KCNQ3: variants seen among roughly 807,000 people sequenced by gnomAD.
KCNQ3 encodes potassium voltage-gated channel subfamily KQT member 3.
KCNQ3 carries 30 observed loss-of-function variants against 92.5 expected under a neutral mutation model. The observed-to-expected ratio is 0.32, with a 90% CI of 0.24 to 0.44. The LOEUF (loss-of-function observed/expected upper bound fraction) is 0.44, where lower values mean the gene tolerates loss of function less well. Among genes scored for constraint, KCNQ3 ranks in the 20% least tolerant of loss-of-function variants. The pLI, the probability that KCNQ3 is intolerant of heterozygous loss-of-function variation, is 1.00. For missense variants in KCNQ3, 913 were observed against 1,140.3 expected, an observed-to-expected ratio of 0.80 and a Z score of 2.87; for synonymous variants, 450 against 468.8, an observed-to-expected ratio of 0.96 and a Z score of 0.52.
intron 1 of KCNQ3, among the ~76,000 whole-genome samples, chr8:132,343,262 A>T (rs962666197): frequency 6.6e-6 from 1 of 152,238 alleles, no homozygotes; most frequent in African/African-American, 2.4e-5. Flanking sequence ...TTGAGAGTAC[A>T]CTGTGTTCCA....
chr8:132,140,051 A>C, intron 11 of KCNQ3, 25 bp downstream of exon 11: 1 of 1,514,364 alleles, frequency 6.6e-7, no homozygotes. Flanking sequence ...GCACACAGGC[A>C]CAGGTGGGAC....
chr8:132,143,426 C>T (rs554505586), intron 9 of KCNQ3, among the ~76,000 whole-genome samples: 40 of 152,278 alleles, frequency 2.6e-4, no homozygotes, highest in Middle Eastern at 3.4e-3. Flanking sequence ...GCTAGCAAGG[C>T]AAAGACTCTG....
At chr8:132,438,170 T>A (rs1407677305) in intron 1 of KCNQ3, among the ~76,000 whole-genome samples, 1 of 152,232 alleles carries the variant, frequency 6.6e-6, no homozygotes, top group East Asian at 1.9e-4. Context: ...CTTTCTATTA[T>A]AAGGTGATTC....
intron 1 of KCNQ3, among the ~76,000 whole-genome samples, chr8:132,215,802 G>A (rs996564046): frequency 1.3e-5 from 2 of 152,210 alleles, no homozygotes; most frequent in Admixed American, 1.3e-4. Flanking sequence ...GGTAATTCAT[G>A]TTCCAGAGTT....
Position 132,235,596 on chromosome 8 carries a change from C to T in KCNQ3, c.387-49415G>A, listed in dbSNP as rs1814788920. On this transcript the variant is annotated intron_variant, in intron 1 of 14. Coordinates refer to ENST00000388996, the MANE Select transcript of KCNQ3 (RefSeq NM_004519.4). Reference sequence around the variant, plus strand: ...CACATGAAAAACAATACAGACATTACAGAATTAATCCAGGAAATTCACTAA... The same window carrying T: ...CACATGAAAAACAATACAGACATTATAGAATTAATCCAGGAAATTCACTAA... Among the ~76,000 whole-genome samples, 2 of 152,180 alleles carry T rather than the reference C, an allele frequency of 1.3e-5. 1 individual carries two copies. Among genetic ancestry groups the T allele is most frequent in the South Asian group, 4.1e-4 (2 of 4,828 alleles).
chr8:132,415,943 C>T (rs1182054500), intron 1 of KCNQ3, among the ~76,000 whole-genome samples: 1 of 152,126 alleles, frequency 6.6e-6, no homozygotes, highest in Non-Finnish European at 1.5e-5. Flanking sequence ...GCATGAGAGC[C>T]CATCTGGTAG....
chr8:132,295,875 G>T (rs1251467764), intron 1 of KCNQ3, among the ~76,000 whole-genome samples: 2 of 152,124 alleles, frequency 1.3e-5, no homozygotes, highest in Non-Finnish European at 2.9e-5. Context: ...ATGCATCGGG[G>T]CCTGTTGTGG....
At chr8:132,407,294 G>T (rs78206643) in intron 1 of KCNQ3, among the ~76,000 whole-genome samples, 2,112 of 152,194 alleles carry the variant, frequency 0.014, 124 homozygotes, top group Admixed American at 0.091. Flanking sequence ...CAGTGGCAGC[G>T]GACACCCTTT....
chr8:132,360,457 G>C (rs558211822), intron 1 of KCNQ3, among the ~76,000 whole-genome samples: 1 of 152,292 alleles, frequency 6.6e-6, no homozygotes, highest in Admixed American at 6.5e-5. Context: ...TTTCTCCCCT[G>C]CTATTGCCCA....
intron 8 of KCNQ3, among the ~76,000 whole-genome samples, chr8:132,169,304 C>CTGA (rs1222019873): frequency 1.1e-4 from 17 of 152,184 alleles, no homozygotes; most frequent in Admixed American, 5.2e-4. Context: ...CCCATTAAGT[C>CTGA]TGATGCACCT....
chr8:132,381,810 A>AGT (rs1199606558), intron 1 of KCNQ3, among the ~76,000 whole-genome samples: 2 of 152,230 alleles, frequency 1.3e-5, no homozygotes, highest in African/African-American at 4.8e-5. Flanking sequence ...ACTTTAGCTT[A>AGT]GTCCTCTCCC....
chr8:132,471,323 G>C (rs930092702), intron 1 of KCNQ3, among the ~76,000 whole-genome samples: 1 of 152,128 alleles, frequency 6.6e-6, no homozygotes, highest in Non-Finnish European at 1.5e-5. Context: ...GTAGCTTTAA[G>C]AGCCTGGGCA....
chr8:132,184,130 C>T, intron 3 of KCNQ3, 111 bp downstream of exon 3: 1 of 1,390,288 alleles, frequency 7.2e-7, no homozygotes, highest in East Asian at 2.3e-5. Flanking sequence ...CTGAGCTGGC[C>T]TCCACAGTGC....
At chr8:132,257,837 T>A (rs760491227) in intron 1 of KCNQ3, among the ~76,000 whole-genome samples, 1 of 148,174 alleles carries the variant, frequency 6.7e-6, no homozygotes, top group African/African-American at 2.5e-5. Flanking sequence ...ACATGTACCA[T>A]ACAAATGGTA....
At chr8:132,289,585 T>C (rs1247636400) in intron 1 of KCNQ3, among the ~76,000 whole-genome samples, 2 of 152,154 alleles carry the variant, frequency 1.3e-5, no homozygotes, top group Non-Finnish European at 2.9e-5. Context: ...TACATAAGAT[T>C]ATATTTAGAG....
At chr8:132,294,742 C>G (rs1469452902) in intron 1 of KCNQ3, among the ~76,000 whole-genome samples, 2 of 152,292 alleles carry the variant, frequency 1.3e-5, no homozygotes, top group African/African-American at 4.8e-5. Flanking sequence ...ATCAGATAAA[C>G]TGCTAGCAAA....
At chr8:132,419,359 T>C (rs572601714) in intron 1 of KCNQ3, among the ~76,000 whole-genome samples, 1 of 152,206 alleles carries the variant, frequency 6.6e-6, no homozygotes, top group Non-Finnish European at 1.5e-5. Flanking sequence ...GCCACCCTAG[T>C]AAAATGCAAT....
intron 1 of KCNQ3, among the ~76,000 whole-genome samples, chr8:132,406,569 A>G (rs771982619): frequency 7.2e-5 from 11 of 152,034 alleles, no homozygotes; most frequent in Non-Finnish European, 1.6e-4. Context: ...ACACAGACAC[A>G]CACACACAGA....
chr8:132,407,762 C>T (rs1820530768), intron 1 of KCNQ3, among the ~76,000 whole-genome samples: 1 of 152,184 alleles, frequency 6.6e-6, no homozygotes, highest in Non-Finnish European at 1.5e-5. Flanking sequence ...ATACATCTTC[C>T]TGGTGCTGCC....
Sources: allele counts gnomAD v4.1 joint callset (sites outside exome capture counted in the v4.1 genomes callset), GRCh38; gene constraint gnomAD v4.1.1; transcripts MANE v1.5; gene names NCBI Gene and HGNC (gene_info 2026-07-23, HGNC 2026-07-21).